SYNE1: variants seen among roughly 807,000 people sequenced by gnomAD.
The protein encoded by SYNE1 is nesprin-1.
A neutral mutation model predicts 1,111.0 loss-of-function variants in SYNE1; 616 were observed. The ratio of observed to expected loss-of-function variants is 0.55; its 90% confidence interval spans 0.52 to 0.59. The LOEUF is 0.59. SYNE1 is among the 20% of genes least tolerant of loss of function. The pLI is 0.00. For missense variants in SYNE1, 10,006 were observed against 10,417.0 expected, an observed-to-expected ratio of 0.96 and a Z score of 1.72; for synonymous variants, 3,855 against 3,825.8, an observed-to-expected ratio of 1.01 and a Z score of -0.28.
Position 152,547,669 on chromosome 6 carries a change from G to A in SYNE1, c.68-7648C>T, listed in dbSNP as rs181136775. Among the ~76,000 whole-genome samples, 809 of 152,206 alleles carry A rather than the reference G, an allele frequency of 5.3e-3. 4 individuals are homozygous for A. Among genetic ancestry groups the A allele is most frequent in the Non-Finnish European group, 7.9e-3 (537 of 68,012 alleles). On this transcript the variant is annotated intron_variant, in intron 3 of 145. Transcript: ENST00000367255. ...AAAAAGATTTGCAAAGTAAGAAAAC[G>A]CTTCAGGGTAACAGCAAATCAAAGG... is the stretch of plus-strand genomic sequence containing the variant.
chr6:152,564,726 G>T (rs375383307), intron 3 of SYNE1, among the ~76,000 whole-genome samples: 1 of 152,132 alleles, frequency 6.6e-6, no homozygotes, highest in Non-Finnish European at 1.5e-5. Context: ...TCACTCTTCA[G>T]TAGAGGCCAA....
At position 152,352,263 on chromosome 6, in the gene SYNE1, C is replaced by T. The variant is rs772432833; in HGVS notation, c.11344G>A (p.Glu3782Lys). ...ATCTCCTTTCTTAACCTCTCTGCCTCGCCTTCCTCCAAGTATTTAACAGCC... is the reference window on the plus strand; with the variant it reads ...ATCTCCTTTCTTAACCTCTCTGCCTTGCCTTCCTCCAAGTATTTAACAGCC... ...ERAVKYLEEG[E>K]AERLRKEIHD... Residue 3782 changes from glutamate (E) to lysine (K), a missense_variant, in exon 70 of 146, where the codon GAG (glutamate) becomes AAG (lysine). This residue lies in a region of SYNE1 where 4,955 missense variants were observed against 5,017.2 expected (regional missense o/e 0.99). Coordinates refer to ENST00000367255, the MANE Select transcript of SYNE1 (RefSeq NM_182961.4). 6 of 1,614,044 alleles carry T rather than the reference C, an allele frequency of 3.7e-6. No individual in the cohort carries two copies. Among genetic ancestry groups the T allele is most frequent in the East Asian group, 2.2e-5 (1 of 44,892 alleles).
chr6:152,213,401 G>A (rs192945282), intron 123 of SYNE1, among the ~76,000 whole-genome samples: 8 of 152,234 alleles, frequency 5.3e-5, no homozygotes, highest in East Asian at 1.9e-4. Flanking sequence ...AGATTGACAC[G>A]TGCTTATAAA....
intron 58 of SYNE1, 180 bp downstream of exon 58, chr6:152,376,201 A>T (rs1358896200): frequency 8.1e-6 from 5 of 618,008 alleles, no homozygotes; most frequent in African/African-American, 1.8e-5. Context: ...ATCTGACAGG[A>T]GGTGGAGCTC....
intron 46 of SYNE1, among the ~76,000 whole-genome samples, chr6:152,403,935 C>G (rs1591990937): frequency 6.6e-6 from 1 of 151,734 alleles, no homozygotes; most frequent in East Asian, 1.9e-4. Flanking sequence ...TTTTGACTCC[C>G]ATGTCTGATA....
At chr6:152,171,986 T>A (rs903954801) in intron 130 of SYNE1, among the ~76,000 whole-genome samples, 4 of 152,242 alleles carry the variant, frequency 2.6e-5, no homozygotes, top group Non-Finnish European at 4.4e-5. Flanking sequence ...TCAATCATTT[T>A]AAAAAATTAC....
chr6:152,441,322 A>G (rs539583459), intron 31 of SYNE1, 52 bp from the exon 32 acceptor site: 3 of 1,555,806 alleles, frequency 1.9e-6, no homozygotes, highest in East Asian at 2.3e-5. Flanking sequence ...ACACAATACT[A>G]TCATATTTTC....
At position 152,376,844 on chromosome 6, in the gene SYNE1, A is replaced by G; in HGVS notation, c.9078T>C (p.Leu3026=). 6.2e-7 allele frequency: 1 copy of G among 1,614,122 alleles called. No individual in the cohort carries two copies. The highest frequency in any genetic ancestry group is 8.5e-7 in the Non-Finnish European group (1 of 1,180,018). Residue 3026 remains leucine (L), a synonymous_variant, in exon 57 of 146, where the codon CTT becomes CTC. Coordinates refer to ENST00000367255, the MANE Select transcript of SYNE1 (RefSeq NM_182961.4). ...TACTCAGGTCTCTGGAAAATCGACA[A>G]AGTTCATTCAGCTGAGACTTGAGAT... ...TEDLKSQLNE[L]CRFSRDLSTY...
chr6:152,608,674 G>A (rs1307475992), intron 3 of SYNE1, among the ~76,000 whole-genome samples: 2 of 152,254 alleles, frequency 1.3e-5, no homozygotes, highest in South Asian at 2.1e-4. Context: ...AGTGGCTCAC[G>A]CCTATAATGC....
intron 82 of SYNE1, 72 bp from the exon 83 acceptor site, chr6:152,321,958 C>A: frequency 1.3e-6 from 2 of 1,539,372 alleles, no homozygotes; most frequent in Non-Finnish European, 1.8e-6. Context: ...AACATTTTAT[C>A]CAATACATAT....
chr6:152,599,561 TAG>T (rs2099591266), intron 3 of SYNE1, among the ~76,000 whole-genome samples: 1 of 152,208 alleles, frequency 6.6e-6, no homozygotes, highest in African/African-American at 2.4e-5. Context: ...GCCTAATTTT[TAG>T]ATAAACATGG....
At chr6:152,436,898 G>T (rs9479316) in intron 32 of SYNE1, among the ~76,000 whole-genome samples, 22,721 of 152,014 alleles carry the variant, frequency 0.15, 1,861 homozygotes, top group East Asian at 0.37. Context: ...AGGCATGACG[G>T]CTCATGCCTT....
intron 46 of SYNE1, among the ~76,000 whole-genome samples, chr6:152,403,319 G>T (rs1277152598): frequency 2.0e-5 from 3 of 152,156 alleles, no homozygotes; most frequent in African/African-American, 7.2e-5. Context: ...CCGTGGATTT[G>T]TGCCATCTGA....
intron 24 of SYNE1, among the ~76,000 whole-genome samples, chr6:152,454,641 T>C (rs1033493846): frequency 2.6e-5 from 4 of 152,188 alleles, no homozygotes; most frequent in African/African-American, 9.7e-5. Flanking sequence ...TCTCACACAG[T>C]CTCAGGAGTA....
chr6:152,544,282 G>A (rs2099294169), intron 3 of SYNE1, among the ~76,000 whole-genome samples: 1 of 152,072 alleles, frequency 6.6e-6, no homozygotes, highest in African/African-American at 2.4e-5. Context: ...GATTATTACT[G>A]GGTAGAATTG....
intron 30 of SYNE1, 64 bp downstream of exon 30, chr6:152,444,347 C>G (rs1592828464): frequency 1.3e-6 from 2 of 1,570,314 alleles, no homozygotes; most frequent in East Asian, 4.5e-5. Flanking sequence ...TTCTTTATCT[C>G]TCTGGTTCTT....
chr6:152,600,035 C>T (rs1452162544), intron 3 of SYNE1, among the ~76,000 whole-genome samples: 1 of 152,140 alleles, frequency 6.6e-6, no homozygotes, highest in Non-Finnish European at 1.5e-5. Context: ...AAATGTCTCC[C>T]CTTTAGTGCC....
intron 3 of SYNE1, among the ~76,000 whole-genome samples, chr6:152,573,363 T>G (rs550920064): frequency 2.2e-4 from 28 of 129,122 alleles, no homozygotes; most frequent in South Asian, 1.0e-3. Flanking sequence ...CCTGGTGTGT[T>G]ATGGTCCCCT....
intron 80 of SYNE1, 73 bp from the exon 81 acceptor site, chr6:152,325,375 A>G (rs765093058): frequency 6.9e-4 from 1,046 of 1,507,242 alleles, no homozygotes; most frequent in Non-Finnish European, 9.3e-4. Flanking sequence ...AGTTCTATGG[A>G]TCTTGGTAAA....
Sources: gnomAD v4.1 joint callset for allele counts (sites outside exome capture counted in the v4.1 genomes callset) on GRCh38, gnomAD v4.1.1 for gene constraint, gnomAD v4.1.1 regional missense constraint, MANE v1.5 for transcripts, NCBI Gene and HGNC (gene_info 2026-07-23, HGNC 2026-07-21) for gene names.